PLCB4: variants seen among roughly 807,000 people sequenced by gnomAD.
PLCB4 encodes the protein phospholipase C beta 4.
In PLCB4, 77 loss-of-function variants were observed where a neutral mutation model predicts 178.8. That is an observed-to-expected ratio of 0.43 (90% CI 0.36 to 0.52). PLCB4 has a LOEUF of 0.52. PLCB4 is among the 20% of genes least tolerant of loss of function. The pLI is 0.00. For missense variants in PLCB4, 1,024 were observed against 1,453.4 expected (o/e 0.70, Z 4.80); for synonymous variants, 496 against 490.8 (o/e 1.01, Z -0.14).
intron 3 of PLCB4, among the ~76,000 whole-genome samples, chr20:9,294,079 G>T (rs2147783645): frequency 6.6e-6 from 1 of 152,242 alleles, no homozygotes; most frequent in South Asian, 2.1e-4. Flanking sequence ...TTTCTCCTCA[G>T]CTCATTTGTC....
intron 28 of PLCB4, among the ~76,000 whole-genome samples, chr20:9,424,433 G>A (rs2040856287): frequency 6.6e-6 from 1 of 152,102 alleles, no homozygotes; most frequent in African/African-American, 2.4e-5. Flanking sequence ...GTAATCAATG[G>A]GAGGAATCCA....
intron 2 of PLCB4, among the ~76,000 whole-genome samples, chr20:9,196,176 C>T (rs2093470233): frequency 6.6e-6 from 1 of 152,134 alleles, no homozygotes; most frequent in Non-Finnish European, 1.5e-5. Context: ...GTGTGGGGAG[C>T]AGAAGCTTGT....
chr20:9,324,886 A>G (rs1252636427), intron 4 of PLCB4, among the ~76,000 whole-genome samples: 1 of 152,228 alleles, frequency 6.6e-6, no homozygotes, highest in Non-Finnish European at 1.5e-5. Flanking sequence ...CAAAAGCTGC[A>G]TTATTTAAAT....
chr20:9,135,377 G>A (rs1295164688), intron 2 of PLCB4, among the ~76,000 whole-genome samples: 1 of 152,100 alleles, frequency 6.6e-6, no homozygotes, highest in East Asian at 1.9e-4. Context: ...TTCATCGGTT[G>A]ATCATTTTTT....
At chr20:9,315,424 G>T (rs747473448) in intron 4 of PLCB4, among the ~76,000 whole-genome samples, 22 of 152,180 alleles carry the variant, frequency 1.4e-4, no homozygotes, top group Admixed American at 2.6e-4. Flanking sequence ...GGAGTGTATG[G>T]TCCAGCGGCA....
chr20:9,184,367 C>T (rs1258018620), intron 2 of PLCB4, among the ~76,000 whole-genome samples: 1 of 152,170 alleles, frequency 6.6e-6, no homozygotes, highest in African/African-American at 2.4e-5. Flanking sequence ...GTGAATGTTT[C>T]CTTTACCTTC....
intron 10 of PLCB4, among the ~76,000 whole-genome samples, chr20:9,372,028 T>C (rs938300211): frequency 1.3e-5 from 2 of 152,196 alleles, no homozygotes; most frequent in Non-Finnish European, 1.5e-5. Flanking sequence ...ATTCGTTCTT[T>C]GGGGTATTTC....
chr20:9,203,059 AT>A (rs1555875430), intron 2 of PLCB4, among the ~76,000 whole-genome samples: 9,150 of 108,112 alleles, frequency 0.085, 427 homozygotes, highest in East Asian at 0.18. Flanking sequence ...AAAAAAAAAT[AT>A]ATATATATAT....
chr20:9,170,565 A>G (rs1185687952), intron 2 of PLCB4, among the ~76,000 whole-genome samples: 1 of 152,178 alleles, frequency 6.6e-6, no homozygotes, highest in Admixed American at 6.5e-5. Context: ...GCTGTTTCCT[A>G]CGAAGATTGT....
At chr20:9,359,164 C>T (rs927754432) in intron 7 of PLCB4, among the ~76,000 whole-genome samples, 8 of 152,156 alleles carry the variant, frequency 5.3e-5, no homozygotes, top group African/African-American at 1.2e-4. Flanking sequence ...TGTCTCTCTA[C>T]GTTTGTATTT....
At position 9,330,895 on chromosome 20, in the gene PLCB4, G is replaced by A. The variant is rs530376331; in HGVS notation, c.85-6231G>A. Among the ~76,000 whole-genome samples, 18 of 152,280 alleles carry A rather than the reference G, an allele frequency of 1.2e-4. No homozygotes were observed. The South Asian group carries it at 2.5e-3, about 21-fold the overall frequency. ...GTATTTGTGAAATACCTCACAACAA[G>A]AGCCCTAAAATTGTAGCTATTTTCT... On this transcript the variant is annotated intron_variant, in intron 4 of 39. Transcript: ENST00000378473.
chr20:9,214,560 GACACACACAC>G (rs11474652), intron 2 of PLCB4, among the ~76,000 whole-genome samples: 4 of 145,592 alleles, frequency 2.7e-5, no homozygotes, highest in Admixed American at 2.1e-4. Flanking sequence ...AAACACCCCA[GACACACACAC>G]ACACACACAC....
intron 1 of PLCB4, among the ~76,000 whole-genome samples, chr20:9,088,934 CTAATA>C (rs1362237111): frequency 6.6e-6 from 1 of 151,512 alleles, no homozygotes; most frequent in African/African-American, 2.4e-5. Context: ...ATTTTATAGA[CTAATA>C]TAACTGTCAG....
intron 2 of PLCB4, among the ~76,000 whole-genome samples, chr20:9,169,926 C>T (rs1203574274): frequency 1.3e-5 from 2 of 152,118 alleles, no homozygotes; most frequent in Non-Finnish European, 2.9e-5. Flanking sequence ...AAACTGCAGG[C>T]ATAGTTTGTA....
chr20:9,410,274 A>G (rs1164512429), intron 24 of PLCB4, among the ~76,000 whole-genome samples: 1 of 152,168 alleles, frequency 6.6e-6, no homozygotes, highest in Non-Finnish European at 1.5e-5. Flanking sequence ...ATAGCTACCA[A>G]TACAATCCTG....
rs2039690225 is a variant in PLCB4, at chr20:9,409,325, G to A, written c.1999+144G>A. Reference sequence around the variant, plus strand: ...AATGTGTTATTGGATTTATATAATGGTGAGAAATAAAAAAAAAAAAACCAA... The same window carrying A: ...AATGTGTTATTGGATTTATATAATGATGAGAAATAAAAAAAAAAAAACCAA... On this transcript the variant is annotated intron_variant, in intron 24 of 39. Transcript: ENST00000378473. 4 of 517,526 alleles carry A rather than the reference G, an allele frequency of 7.7e-6. No homozygotes were observed. In the South Asian group the frequency reaches 1.2e-4, roughly 16 times the overall value. The allele number at this position is 517,526 out of a possible 1,614,324, so 32.1% of individuals were successfully genotyped here.
rs999505796 is a variant in PLCB4 at position 9,444,121 on chromosome 20, G to A, written c.2815-57G>A. ...TTGTTTCTCACCAAGTGTAATCATT[G>A]TGATTACAAAAAGAAAAAACAAAAA... On this transcript the variant is annotated intron_variant, in intron 31 of 39. Transcript: ENST00000378473. 2.8e-6 allele frequency: 4 copies of A among 1,434,044 alleles called. No individual in the cohort carries two copies. The African/African-American group carries it at 5.7e-5, about 20-fold the overall frequency. The allele number at this position is 1,434,044 out of a possible 1,614,324, so 88.8% of individuals were successfully genotyped here.
At chr20:9,163,266 T>G (rs1210349156) in intron 2 of PLCB4, among the ~76,000 whole-genome samples, 1 of 152,070 alleles carries the variant, frequency 6.6e-6, no homozygotes, top group Admixed American at 6.6e-5. Context: ...ATGAAAAAAA[T>G]AACTAAAAGT....
chr20:9,130,390 C>T (rs550577785), intron 2 of PLCB4, among the ~76,000 whole-genome samples: 1 of 152,296 alleles, frequency 6.6e-6, no homozygotes, highest in South Asian at 2.1e-4. Flanking sequence ...TAGATGCATG[C>T]ATACTTCAAA....
Sources: allele counts gnomAD v4.1 joint callset (sites outside exome capture counted in the v4.1 genomes callset), GRCh38; gene constraint gnomAD v4.1.1; transcripts MANE v1.5; gene names NCBI Gene and HGNC (gene_info 2026-07-23, HGNC 2026-07-21).